MCM3AP: variants seen among roughly 807,000 people sequenced by gnomAD.
MCM3AP encodes germinal-center associated nuclear protein.
In MCM3AP, 126 loss-of-function variants were observed where a neutral mutation model predicts 184.1. The observed-to-expected ratio is 0.68, with a 90% confidence interval of 0.59 to 0.79. The LOEUF is 0.79. Ranked by LOEUF, MCM3AP falls within the 30% of genes least tolerant of loss-of-function variation. MCM3AP has a pLI of 0.00. For synonymous variants in MCM3AP, 1,002 were observed against 979.3 expected, an observed-to-expected ratio of 1.02 and a Z score of -0.43; for missense variants, 2,496 against 2,479.2, an observed-to-expected ratio of 1.01 and a Z score of -0.14.
At chr21:46,253,086 C>A (rs557257959) in intron 19 of MCM3AP, 1 of 152,352 alleles carries the variant, frequency 6.6e-6, no homozygotes, top group East Asian at 1.9e-4. Context: ...CTGCGGTGAG[C>A]TGTTATCACA....
intron 23 of MCM3AP, 151 bp from the exon 24 acceptor site, chr21:46,243,873 G>A (rs1352310236): frequency 1.4e-6 from 1 of 738,120 alleles, no homozygotes; most frequent in African/African-American, 1.8e-5. Context: ...GGGAAGAGCA[G>A]CTTGCTCCCA....
At position 46,244,900 on chromosome 21, in the gene MCM3AP, G is replaced by T. The variant is rs1244845728; in HGVS notation, c.4945C>A (p.His1649Asn). The T allele has an allele frequency of 6.2e-7, 1 of 1,614,204 alleles. No individual in the cohort carries two copies. Among genetic ancestry groups the T allele is most frequent in the Admixed American group, 1.7e-5 (1 of 60,026 alleles). Residue 1649 changes from histidine to asparagine, a missense_variant, in exon 23 of 28, where the codon CAC (histidine) becomes AAC (asparagine). This residue lies in a region of MCM3AP where 1,323 missense variants were observed against 1,273.4 expected (regional missense o/e 1.04). Coordinates refer to ENST00000291688, the MANE Select transcript of MCM3AP (RefSeq NM_003906.5). ...AEAGGSRLLP[H>N]LHWNAPEHLA... ...TGCTCTGGGGCATTCCAGTGCAGGT[G>T]AGGAAGCAGCCGGCTGCCCCCTGCC...
chr21:46,238,158 C>T (rs1009044762), intron 26 of MCM3AP, among the ~76,000 whole-genome samples: 1 of 116,338 alleles, frequency 8.6e-6, no homozygotes, highest in Non-Finnish European at 1.8e-5. Context: ...AATCCAATTC[C>T]AATTTATATT....
At chr21:46,280,644 C>A in intron 2 of MCM3AP, 69 bp from the exon 3 acceptor site, 1 of 1,048,110 alleles carries the variant, frequency 9.5e-7, no homozygotes, top group Non-Finnish European at 1.5e-6. Flanking sequence ...ATTGAAAACT[C>A]AAATGCAGTA....
Position 46,260,786 on chromosome 21 carries a change from C to T in MCM3AP, c.3581+7G>A. 6.2e-7 allele frequency: 1 copy of T among 1,603,284 alleles called. No individual in the cohort carries two copies. Among genetic ancestry groups the T allele is most frequent in the Non-Finnish European group, 8.5e-7 (1 of 1,170,130 alleles). On this transcript the variant is annotated splice_region_variant and intron_variant, in intron 15 of 27. Coordinates refer to ENST00000291688, the MANE Select transcript of MCM3AP (RefSeq NM_003906.5). ...CTGGCACAGCAAGACACCAGCGTTT[C>T]ACTTACTTCAACTCCTGGGAGCAGG...
At chr21:46,274,651 G>A (rs1199411288) in intron 6 of MCM3AP, among the ~76,000 whole-genome samples, 1 of 152,052 alleles carries the variant, frequency 6.6e-6, no homozygotes, top group East Asian at 1.9e-4. Context: ...AAAGAAAAAA[G>A]TTAGCTGGAT....
chr21:46,263,810 AAG>A (rs2081073128), intron 13 of MCM3AP, among the ~76,000 whole-genome samples: 6 of 135,198 alleles, frequency 4.4e-5, no homozygotes, highest in African/African-American at 1.3e-4. Flanking sequence ...AAAAAAAAAA[AAG>A]ATGACAGTAC....
chr21:46,239,853 C>T (rs181949270), intron 26 of MCM3AP, among the ~76,000 whole-genome samples: 54 of 151,960 alleles, frequency 3.6e-4, no homozygotes, highest in African/African-American at 7.7e-4. Flanking sequence ...AGGGGGACCA[C>T]GGACATCCTA....
intron 9 of MCM3AP, among the ~76,000 whole-genome samples, chr21:46,269,183 G>A (rs2081149507): frequency 6.6e-6 from 1 of 151,920 alleles, no homozygotes; most frequent in Non-Finnish European, 1.5e-5. Context: ...TGCAGATCTT[G>A]GCTCACTGCA....
chr21:46,263,255 G>A (rs1002822993), intron 13 of MCM3AP, among the ~76,000 whole-genome samples: 1 of 151,618 alleles, frequency 6.6e-6, no homozygotes, highest in African/African-American at 2.4e-5. Flanking sequence ...GCTTGAATCC[G>A]GGAGGTGGGG....
intron 5 of MCM3AP, among the ~76,000 whole-genome samples, chr21:46,277,280 A>C (rs2081267918): frequency 6.6e-6 from 1 of 152,152 alleles, no homozygotes; most frequent in African/African-American, 2.4e-5. Context: ...ACAGGAGCCC[A>C]TTCTTTTGCA....
intron 17 of MCM3AP, among the ~76,000 whole-genome samples, chr21:46,256,266 A>G (rs2839172): frequency 0.86 from 130,553 of 152,126 alleles, 56,653 homozygotes; most frequent in African/African-American, 0.93. Flanking sequence ...TGCTCGGGGT[A>G]ACCAGGAGGA....
intron 16 of MCM3AP, among the ~76,000 whole-genome samples, chr21:46,258,063 C>T (rs1398514521): frequency 2.6e-5 from 4 of 152,188 alleles, no homozygotes; most frequent in Non-Finnish European, 5.9e-5. Context: ...AAGCCTCCAC[C>T]TCATATCAGA....
intron 17 of MCM3AP, among the ~76,000 whole-genome samples, chr21:46,255,169 G>C (rs2080930477): frequency 6.6e-6 from 1 of 152,216 alleles, no homozygotes; most frequent in Non-Finnish European, 1.5e-5. Flanking sequence ...GAGCCAGGCA[G>C]GGTGCGTGTT....
At chr21:46,242,960 G>C in intron 24 of MCM3AP, 29 bp from the exon 25 acceptor site, 1 of 1,524,998 alleles carries the variant, frequency 6.6e-7, no homozygotes, top group Non-Finnish European at 8.8e-7. Context: ...AACAGATAAA[G>C]AGGCCAGCCT....
In MCM3AP at chr21:46,283,718, T is replaced by C. The variant is rs746599776; in HGVS notation, c.1340A>G (p.Asn447Ser). ...ATGGTTCTCCAGAATGGTCCTGTCG[T>C]TGAGGTAGTCAGGGATGTTCTTGCA... is the stretch of plus-strand genomic sequence containing the variant. ...IQCKNIPDYL[N>S]DRTILENHFG... Residue 447 changes from asparagine (N) to serine (S), a missense_variant, in exon 2 of 28, where the codon AAC becomes AGC. By Grantham distance (46) the Asn-to-Ser change is conservative. Around this residue, in one of 5 missense-constraint regions of MCM3AP, gnomAD observed 800 missense variants for 717.1 expected, o/e 1.12. Transcript: ENST00000291688. The C allele has an allele frequency of 1.2e-6, 2 of 1,614,000 alleles. No individual in the cohort carries two copies. Among genetic ancestry groups the C allele is most frequent in the East Asian group, 2.2e-5 (1 of 44,888 alleles).
Position 46,237,917 on chromosome 21 carries a change from T to C in MCM3AP, c.5634-938A>G, listed in dbSNP as rs925360710. Among the ~76,000 whole-genome samples the C allele has an allele frequency of 3.5e-5, 4 of 115,522 alleles. 1 individual carries two copies. The highest frequency in any genetic ancestry group is 1.4e-4 in the African/African-American group (4 of 28,432). The allele number at this position is 115,522 out of a possible 152,430, so 75.8% of individuals were successfully genotyped here. A position where few individuals can be genotyped will look rare whatever the true frequency, so the allele number is the denominator to read the frequency against. On this transcript the variant is annotated intron_variant, in intron 26 of 27. Coordinates refer to ENST00000291688, the MANE Select transcript of MCM3AP (RefSeq NM_003906.5). ...GAGTTCAAGATCAGCCTGATCAACATGGTGAAACCCCGTCTCTACTAAAAA... is the reference window on the plus strand; with the variant it reads ...GAGTTCAAGATCAGCCTGATCAACACGGTGAAACCCCGTCTCTACTAAAAA...
At chr21:46,280,185 T>C in intron 3 of MCM3AP, 48 bp from the exon 4 acceptor site, 1 of 1,586,610 alleles carries the variant, frequency 6.3e-7, no homozygotes, top group Non-Finnish European at 8.6e-7. Flanking sequence ...ACAGATCACC[T>C]GGAACTGGAT....
chr21:46,265,475 G>A lies in MCM3AP; in HGVS notation c.3080C>T (p.Ser1027Phe), dbSNP rs2081098356. ...ECGVEPDAPL[S>F]SLPQSLPAPA... ...GGCTGGTAGAGACTGTGGGAGACTGGACAGGGGTGCATCCGGCTCTACACC... is the reference window on the plus strand; with the variant it reads ...GGCTGGTAGAGACTGTGGGAGACTGAACAGGGGTGCATCCGGCTCTACACC... The change falls in exon 12 of 28, where the codon TCC becomes TTC. Residue 1027 changes from serine (S) to phenylalanine (F), a missense_variant. Physicochemically the swap from Ser to Phe is radical, Grantham distance 155 (BLOSUM62 -2). Transcript: ENST00000291688. The A allele has an allele frequency of 6.2e-7, 1 of 1,609,130 alleles. No homozygotes were observed. Among genetic ancestry groups the A allele is most frequent in the Non-Finnish European group, 8.5e-7 (1 of 1,177,666 alleles).
Sources: allele counts gnomAD v4.1 joint callset (sites outside exome capture counted in the v4.1 genomes callset), GRCh38; gene constraint gnomAD v4.1.1; regional missense constraint gnomAD v4.1.1; transcripts MANE v1.5; gene names NCBI Gene and HGNC (gene_info 2026-07-23, HGNC 2026-07-21).